Variants in TENT5D observed in about 807,000 individuals in gnomAD.
The protein encoded by TENT5D is terminal nucleotidyltransferase 5D, also known as cancer/testis antigen 112.
For missense variants in TENT5D, 191 were observed against 287.0 expected (o/e 0.67, Z 2.42); for synonymous variants, 103 against 100.6 (o/e 1.02, Z -0.15).
At chrX:80,360,189 C>A (rs1274538196) in intron 3 of TENT5D, among the ~76,000 whole-genome samples, 1 of 112,178 alleles carries the variant, frequency 8.9e-6, no homozygotes, top group Non-Finnish European at 1.9e-5. Context: ...ACAATAAGAT[C>A]TCATTAGTAC....
intron 3 of TENT5D, among the ~76,000 whole-genome samples, chrX:80,407,908 A>T (rs980027940): frequency 9.0e-6 from 1 of 111,052 alleles, no homozygotes; most frequent in African/African-American, 3.3e-5. Context: ...TATCTCTCAG[A>T]CCACAGTACA....
chrX:80,338,268 A>G (rs181351144), intron 2 of TENT5D, among the ~76,000 whole-genome samples: 4 of 111,715 alleles, frequency 3.6e-5, no homozygotes, highest in African/African-American at 1.3e-4. Context: ...AGGATCTTCC[A>G]AATTGTTCTT....
At chrX:80,377,649 G>T (rs1403751151) in intron 3 of TENT5D, among the ~76,000 whole-genome samples, 1 of 112,005 alleles carries the variant, frequency 8.9e-6, no homozygotes, top group Non-Finnish European at 1.9e-5. Context: ...TGGACATTTG[G>T]GTTGGTTCCA....
chrX:80,391,257 A>G (rs1931120616), intron 3 of TENT5D, among the ~76,000 whole-genome samples: 1 of 111,681 alleles, frequency 9.0e-6, no homozygotes, highest in Admixed American at 9.5e-5. Context: ...CATAGTTACA[A>G]AAGGGCACAG....
At chrX:80,410,238 C>G (rs1212682516) in intron 3 of TENT5D, among the ~76,000 whole-genome samples, 1 of 108,740 alleles carries the variant, frequency 9.2e-6, no homozygotes, top group Non-Finnish European at 1.9e-5. Flanking sequence ...CCAAAATTGA[C>G]AAATGGGATC....
At chrX:80,429,046 T>C (rs967686202) in intron 1 of TENT5D, among the ~76,000 whole-genome samples, 1 of 111,307 alleles carries the variant, frequency 9.0e-6, no homozygotes, top group African/African-American at 3.3e-5. Context: ...TGAGTCATAA[T>C]GGCAGTCTGA....
intron 3 of TENT5D, among the ~76,000 whole-genome samples, chrX:80,378,339 A>G (rs1301321593): frequency 9.0e-6 from 1 of 111,601 alleles, no homozygotes; most frequent in African/African-American, 3.3e-5. Flanking sequence ...GGTATTGCCT[A>G]GGTTTTCTTC....
chrX:80,377,141 G>T (rs958912334), intron 3 of TENT5D, among the ~76,000 whole-genome samples: 1 of 111,629 alleles, frequency 9.0e-6, no homozygotes, highest in Admixed American at 9.5e-5. Context: ...AATTGGCAAT[G>T]ATTTTAATTC....
intron 3 of TENT5D, among the ~76,000 whole-genome samples, chrX:80,359,978 T>A (rs1930370988): frequency 8.9e-6 from 1 of 111,792 alleles, no homozygotes; most frequent in South Asian, 3.7e-4. Context: ...TTAAGGATAA[T>A]CTTAATCAAC....
intron 3 of TENT5D, among the ~76,000 whole-genome samples, chrX:80,384,552 A>G (rs1210921641): frequency 2.7e-5 from 2 of 73,284 alleles, no homozygotes; most frequent in African/African-American, 1.0e-4. Flanking sequence ...CCTATTCAAC[A>G]TAGTGTTGGA....
At chrX:80,349,975 T>C (rs1339839864) in intron 3 of TENT5D, among the ~76,000 whole-genome samples, 2 of 111,798 alleles carry the variant, frequency 1.8e-5, no homozygotes, top group Non-Finnish European at 3.8e-5. Flanking sequence ...GTGAGTTTCT[T>C]AATCCTGAGT....
rs140267626 is a variant in TENT5D, at chrX:80,357,979, G to A, written c.-142+15415G>A. On this transcript the variant is annotated intron_variant, in intron 3 of 4. Transcript: ENST00000538312. ...TACCAAAACAGAGATATAGACCAAT[G>A]GAACAGAACAGAGCCCTCAGAAATA... Among the ~76,000 whole-genome samples the A allele has an allele frequency of 7.2e-5, 8 of 111,122 alleles. No individual in the cohort carries two copies. In the East Asian group the frequency reaches 2.3e-3, roughly 31 times the overall value.
At chrX:80,394,663 G>C (rs1471784895) in intron 3 of TENT5D, among the ~76,000 whole-genome samples, 1 of 109,818 alleles carries the variant, frequency 9.1e-6, no homozygotes, top group Non-Finnish European at 1.9e-5. Context: ...CAAAGTGCTG[G>C]GATTACAGGC....
intron 3 of TENT5D, among the ~76,000 whole-genome samples, chrX:80,404,437 G>A (rs1215364364): frequency 8.9e-6 from 1 of 111,767 alleles, no homozygotes. Context: ...GTATTAAGGA[G>A]TGTGTTAATG....
intron 3 of TENT5D, among the ~76,000 whole-genome samples, chrX:80,366,951 T>C (rs1211523708): frequency 9.0e-6 from 1 of 111,517 alleles, no homozygotes; most frequent in Non-Finnish European, 1.9e-5. Context: ...ATAACAACCA[T>C]GTGAGATAGA....
chrX:80,383,214 C>G (rs1930912771), intron 3 of TENT5D, among the ~76,000 whole-genome samples: 1 of 112,509 alleles, frequency 8.9e-6, no homozygotes, highest in South Asian at 3.7e-4. Flanking sequence ...ATTTTAAAAG[C>G]TACTTTATAT....
chrX:80,434,616 A>G (rs1394389829), intron 1 of TENT5D, among the ~76,000 whole-genome samples: 1 of 111,246 alleles, frequency 9.0e-6, no homozygotes, highest in Non-Finnish European at 1.9e-5. Flanking sequence ...GTTTTGGTAT[A>G]TGAACCTTAT....
At chrX:80,411,034 A>C (rs905168565) in intron 3 of TENT5D, among the ~76,000 whole-genome samples, 1 of 98,400 alleles carries the variant, frequency 1.0e-5, no homozygotes, top group Non-Finnish European at 2.0e-5. Flanking sequence ...CATAGGTGGG[A>C]ATTGAACAAT....
At chrX:80,366,001 A>C (rs756872997) in intron 3 of TENT5D, among the ~76,000 whole-genome samples, 1 of 111,704 alleles carries the variant, frequency 9.0e-6, no homozygotes, top group Admixed American at 9.6e-5. Context: ...TGTTCTTGTC[A>C]CCATATTTTA....
Sources: allele counts gnomAD v4.1 joint callset (sites outside exome capture counted in the v4.1 genomes callset), GRCh38; gene constraint gnomAD v4.1.1; transcripts MANE v1.5; gene names NCBI Gene and HGNC (gene_info 2026-07-23, HGNC 2026-07-21).